The following SGCZ variants were observed in gnomAD, a reference collection of about 807,000 sequenced individuals.
SGCZ encodes zeta-sarcoglycan.
SGCZ carries 40 observed loss-of-function variants against 41.3 expected under a neutral mutation model. The ratio of observed to expected loss-of-function variants is 0.97; its 90% confidence interval spans 0.75 to 1.26. SGCZ has a LOEUF of 1.26. Ranked by LOEUF, SGCZ falls within the 50% of genes most tolerant of loss-of-function variation. The probability of loss-of-function intolerance (pLI) is 0.00; values close to 1 mark genes in which losing one functional copy is unlikely to be tolerated. For synonymous variants in SGCZ, 206 were observed against 137.5 expected (o/e 1.50, Z -3.49); for missense variants, 552 against 369.8 (o/e 1.49, Z -4.04).
At chr8:14,272,600 G>A (rs1217467555) in intron 3 of SGCZ, among the ~76,000 whole-genome samples, 2 of 152,170 alleles carry the variant, frequency 1.3e-5, no homozygotes, top group African/African-American at 4.8e-5. Context: ...AGAGGCTGTT[G>A]CTAACTGCTG....
At chr8:14,848,796 G>T (rs1803221498) in intron 1 of SGCZ, among the ~76,000 whole-genome samples, 1 of 152,054 alleles carries the variant, frequency 6.6e-6, no homozygotes, top group Admixed American at 6.6e-5. Flanking sequence ...GATTTCTTAA[G>T]AACCGTCCCA....
At chr8:14,384,390 G>A (rs1804491085) in intron 2 of SGCZ, among the ~76,000 whole-genome samples, 1 of 151,964 alleles carries the variant, frequency 6.6e-6, no homozygotes, top group Admixed American at 6.6e-5. Context: ...ACGATAGACT[G>A]GATTAAGAAA....
chr8:14,115,647 A>T (rs1802500126), intron 5 of SGCZ, among the ~76,000 whole-genome samples: 1 of 152,000 alleles, frequency 6.6e-6, no homozygotes, highest in Admixed American at 6.6e-5. Flanking sequence ...ACTCACACTT[A>T]TTCTTATGAA....
At chr8:15,211,821 T>C (rs1458201837) in intron 1 of SGCZ, among the ~76,000 whole-genome samples, 1 of 152,132 alleles carries the variant, frequency 6.6e-6, no homozygotes, top group Non-Finnish European at 1.5e-5. Flanking sequence ...GTAGGATGAA[T>C]TATATAGGCA....
chr8:14,794,241 C>A (rs1430314203), intron 1 of SGCZ, among the ~76,000 whole-genome samples: 1 of 151,894 alleles, frequency 6.6e-6, no homozygotes, highest in East Asian at 1.9e-4. Context: ...ATAATATGCA[C>A]AAAGCTAACC....
At chr8:14,670,602 C>G (rs1461245280) in intron 1 of SGCZ, among the ~76,000 whole-genome samples, 1 of 152,076 alleles carries the variant, frequency 6.6e-6, no homozygotes, top group Non-Finnish European at 1.5e-5. Flanking sequence ...TGTTCTTACA[C>G]CTGAGGAAAA....
At chr8:15,236,439 T>TTGGGG (rs1554483071) in intron 1 of SGCZ, among the ~76,000 whole-genome samples, 11 of 150,364 alleles carry the variant, frequency 7.3e-5, no homozygotes, top group African/African-American at 2.7e-4. Context: ...CTCCAGCGGG[T>TTGGGG]GGGGGGGTGC....
chr8:14,424,325 T>C (rs545291758), intron 2 of SGCZ, among the ~76,000 whole-genome samples: 18 of 152,312 alleles, frequency 1.2e-4, no homozygotes, highest in Admixed American at 2.6e-4. Context: ...AATACTCAAG[T>C]ATTATGGATT....
chr8:14,840,286 GAAC>G (rs1802857043), intron 1 of SGCZ, among the ~76,000 whole-genome samples: 1 of 152,034 alleles, frequency 6.6e-6, no homozygotes, highest in Non-Finnish European at 1.5e-5. Context: ...ATTGGTATTA[GAAC>G]AATATTAAAA....
intron 1 of SGCZ, among the ~76,000 whole-genome samples, chr8:15,069,038 G>C (rs1234444227): frequency 1.3e-5 from 2 of 152,190 alleles, no homozygotes; most frequent in African/African-American, 2.4e-5. Context: ...ACGGGCTACT[G>C]CTGAAGTTAA....
chr8:14,397,602 A>G (rs1181633004), intron 2 of SGCZ, among the ~76,000 whole-genome samples: 1 of 152,132 alleles, frequency 6.6e-6, no homozygotes, highest in South Asian at 2.1e-4. Flanking sequence ...ATTCTCACAA[A>G]TAAAGCATAC....
At chr8:14,747,451 T>C (rs1380202066) in intron 1 of SGCZ, among the ~76,000 whole-genome samples, 5 of 152,144 alleles carry the variant, frequency 3.3e-5, no homozygotes, top group African/African-American at 1.2e-4. Flanking sequence ...AATTAAACCA[T>C]ACACAGAATT....
intron 4 of SGCZ, among the ~76,000 whole-genome samples, chr8:14,230,000 T>C (rs1420728021): frequency 1.3e-5 from 2 of 152,136 alleles, no homozygotes; most frequent in East Asian, 1.9e-4. Flanking sequence ...AAAGCATAGC[T>C]AGGATGTTGA....
chr8:14,394,537 T>A (rs1206724426), intron 2 of SGCZ, among the ~76,000 whole-genome samples: 2 of 152,136 alleles, frequency 1.3e-5, no homozygotes, highest in African/African-American at 4.8e-5. Context: ...TGAGACAAAG[T>A]TTGATTCCTG....
At chr8:15,163,214 T>C (rs1038625031) in intron 1 of SGCZ, among the ~76,000 whole-genome samples, 1 of 152,234 alleles carries the variant, frequency 6.6e-6, no homozygotes, top group African/African-American at 2.4e-5. Context: ...ACATTTATCA[T>C]GTGTCGGCCA....
chr8:14,698,290 C>T (rs1809030565), intron 1 of SGCZ, among the ~76,000 whole-genome samples: 1 of 151,808 alleles, frequency 6.6e-6, no homozygotes. Context: ...ATATACTGAT[C>T]CCATTAGCTG....
chr8:14,590,047 A>G (rs1365146968), intron 1 of SGCZ, among the ~76,000 whole-genome samples: 5 of 152,088 alleles, frequency 3.3e-5, no homozygotes, highest in African/African-American at 1.2e-4. Context: ...TTTCTTTGCT[A>G]CTTTATGTGT....
chr8:14,472,313 C>G (rs1440432288), intron 2 of SGCZ, among the ~76,000 whole-genome samples: 2 of 152,008 alleles, frequency 1.3e-5, no homozygotes, highest in Non-Finnish European at 2.9e-5. Context: ...TTTAAGAAAG[C>G]TGTTTGTTCA....
chr8:14,639,865 T>A (rs1806965510), intron 1 of SGCZ, among the ~76,000 whole-genome samples: 1 of 151,628 alleles, frequency 6.6e-6, no homozygotes, highest in Admixed American at 6.6e-5. Context: ...TAATTTGTTA[T>A]TAAAGTCAAT....
Sources: allele counts gnomAD v4.1 joint callset (sites outside exome capture counted in the v4.1 genomes callset), GRCh38; gene constraint gnomAD v4.1.1; transcripts MANE v1.5; gene names NCBI Gene and HGNC (gene_info 2026-07-23, HGNC 2026-07-21).